The following PHACTR1 variants were observed in gnomAD, a reference collection of about 807,000 sequenced individuals.
PHACTR1 encodes the protein RPEL repeat containing 1.
In PHACTR1, 16 loss-of-function variants were observed where a neutral mutation model predicts 69.2. The observed-to-expected ratio is 0.23, with a 90% CI of 0.16 to 0.35. The LOEUF is 0.35. Among genes scored for constraint, PHACTR1 ranks in the 10% least tolerant of loss-of-function variants. The probability of loss-of-function intolerance (pLI) is 1.00; values close to 1 mark genes in which losing one functional copy is unlikely to be tolerated. For synonymous variants in PHACTR1, 312 were observed against 284.5 expected (o/e 1.10, Z -0.97); for missense variants, 510 against 734.7 (o/e 0.69, Z 3.54).
chr6:13,042,085 G>A (rs1294223497), intron 4 of PHACTR1, among the ~76,000 whole-genome samples: 1 of 152,150 alleles, frequency 6.6e-6, no homozygotes, highest in Non-Finnish European at 1.5e-5. Flanking sequence ...GAGTTTAAAA[G>A]GTTTATTGTA....
At chr6:12,936,871 G>T (rs1319258245) in intron 4 of PHACTR1, among the ~76,000 whole-genome samples, 1 of 152,174 alleles carries the variant, frequency 6.6e-6, no homozygotes, top group Non-Finnish European at 1.5e-5. Flanking sequence ...GGCCACTGGA[G>T]GCCTGGGATG....
At chr6:12,959,176 C>CAAAAA (rs70989814) in intron 4 of PHACTR1, among the ~76,000 whole-genome samples, 90 of 44,158 alleles carry the variant, frequency 2.0e-3, no homozygotes, top group East Asian at 3.9e-3. Context: ...GACTTTATCT[C>CAAAAA]AAAAAAAAAA....
intron 4 of PHACTR1, among the ~76,000 whole-genome samples, chr6:12,913,638 T>A (rs1370385634): frequency 3.3e-5 from 5 of 152,218 alleles, no homozygotes; most frequent in Admixed American, 1.3e-4. Context: ...CGCACATTTA[T>A]CTCAGCCCCT....
chr6:12,720,289 C>T lies in PHACTR1; in HGVS notation c.103+1442C>T, dbSNP rs115659558. Reference sequence around the variant, plus strand: ...ATAATGCTCCGTAGCGGGGTCATCCCGCTGAACCGCATAGCTGTTGGCAAA... The same window carrying T: ...ATAATGCTCCGTAGCGGGGTCATCCTGCTGAACCGCATAGCTGTTGGCAAA... On this transcript the variant is annotated intron_variant, in intron 3 of 14. Coordinates refer to ENST00000332995, the MANE Select transcript of PHACTR1 (RefSeq NM_030948.6). Among the ~76,000 whole-genome samples the T allele has an allele frequency of 4.2e-3, 639 of 152,308 alleles. 3 individuals carry two copies. Among genetic ancestry groups the T allele is most frequent in the Non-Finnish European group, 7.0e-3 (477 of 68,030 alleles).
intron 4 of PHACTR1, among the ~76,000 whole-genome samples, chr6:12,970,525 G>A (rs566386774): frequency 5.3e-5 from 8 of 152,250 alleles, no homozygotes; most frequent in African/African-American, 9.6e-5. Flanking sequence ...ATCCCAGCAC[G>A]TTGTGAGGCC....
chr6:13,200,943 CAAA>C (rs772620697), intron 7 of PHACTR1, among the ~76,000 whole-genome samples: 9 of 90,722 alleles, frequency 9.9e-5, no homozygotes, highest in Admixed American at 1.2e-4. Flanking sequence ...AACTCTGTCT[CAAA>C]AAAAAAAAAA....
At chr6:13,070,631 A>G (rs1464047923) in intron 5 of PHACTR1, among the ~76,000 whole-genome samples, 1 of 152,198 alleles carries the variant, frequency 6.6e-6, no homozygotes, top group Non-Finnish European at 1.5e-5. Context: ...ATACAGAGTG[A>G]AAAGGTTAAG....
chr6:13,256,095 G>A (rs1050160562), intron 10 of PHACTR1, among the ~76,000 whole-genome samples: 1 of 152,234 alleles, frequency 6.6e-6, no homozygotes, highest in Non-Finnish European at 1.5e-5. Context: ...CTCAACTCTT[G>A]TACTCTGAAC....
chr6:12,924,514 C>T (rs1008081719), intron 4 of PHACTR1, among the ~76,000 whole-genome samples: 10 of 152,102 alleles, frequency 6.6e-5, no homozygotes, highest in Non-Finnish European at 1.5e-4. Context: ...GTGGCTCACG[C>T]CTGTAATCCC....
intron 4 of PHACTR1, among the ~76,000 whole-genome samples, chr6:13,045,327 T>G (rs555798374): frequency 1.3e-5 from 2 of 152,340 alleles, no homozygotes; most frequent in East Asian, 3.9e-4. Flanking sequence ...TGGAATAGAC[T>G]TAGTGACTGA....
chr6:13,278,371 G>A (rs1478953075), intron 12 of PHACTR1, 42 bp downstream of exon 12: 6 of 1,548,754 alleles, frequency 3.9e-6, no homozygotes, highest in African/African-American at 2.7e-5. Flanking sequence ...AGGAGAGGGT[G>A]GGCTGCCTGC....
chr6:13,122,511 T>C (rs1247854583), intron 5 of PHACTR1, among the ~76,000 whole-genome samples: 1 of 152,228 alleles, frequency 6.6e-6, no homozygotes, highest in African/African-American at 2.4e-5. Flanking sequence ...GCTATTGATA[T>C]ATTGGCTTAC....
chr6:13,208,676 C>T (rs1029682806), intron 8 of PHACTR1, among the ~76,000 whole-genome samples: 1 of 139,824 alleles, frequency 7.2e-6, no homozygotes, highest in Non-Finnish European at 1.5e-5. Context: ...GTTTTCATAT[C>T]TCTCATGAGC....
chr6:13,070,926 G>A (rs766889560), intron 5 of PHACTR1, among the ~76,000 whole-genome samples: 9 of 151,648 alleles, frequency 5.9e-5, no homozygotes, highest in Non-Finnish European at 1.2e-4. Context: ...AATAACATTA[G>A]GCAATGAATT....
chr6:13,041,335 T>TACACACAC (rs1341525931), intron 4 of PHACTR1, among the ~76,000 whole-genome samples: 7 of 38,660 alleles, frequency 1.8e-4, no homozygotes, highest in Non-Finnish European at 3.2e-4. Flanking sequence ...GTAATTAAAA[T>TACACACAC]ACATACACAC....
At position 13,107,309 on chromosome 6, in the gene PHACTR1, G is replaced by A. The variant is rs574365910; in HGVS notation, c.416-52895G>A. 7.0e-3 allele frequency among the ~76,000 whole-genome samples: 1,071 copies of A among 152,220 alleles called. 21 individuals carry two copies. Among genetic ancestry groups the A allele is most frequent in the African/African-American group, 0.025 (1,030 of 41,532 alleles). ...AAGTTTTTGGTAGAGACAGGGTCTC[G>A]CTATGTTGCCAGGGCTGGGCTCAAA... is the stretch of plus-strand genomic sequence containing the variant. On this transcript the variant is annotated intron_variant, in intron 5 of 14. Coordinates refer to ENST00000332995, the MANE Select transcript of PHACTR1 (RefSeq NM_030948.6).
chr6:13,229,668 G>A (rs1280691637), intron 9 of PHACTR1, among the ~76,000 whole-genome samples: 1 of 152,146 alleles, frequency 6.6e-6, no homozygotes, highest in African/African-American at 2.4e-5. Flanking sequence ...TCTGCTTCAG[G>A]TGTCAGCCCC....
At position 13,213,177 on chromosome 6, in the gene PHACTR1, T is replaced by C. The variant is rs79551855; in HGVS notation, c.986+7041T>C. Among the ~76,000 whole-genome samples the C allele has an allele frequency of 9.3e-3, 1,422 of 152,358 alleles. 20 individuals carry two copies. Among genetic ancestry groups the C allele is most frequent in the African/African-American group, 0.03 (1,241 of 41,572 alleles). On this transcript the variant is annotated intron_variant, in intron 8 of 14. Transcript: ENST00000332995. ...AGCTGCAGTGATATTCTTTCACTTA[T>C]TAATCTGCTTCCTATTGATGGATTG...
chr6:13,157,809 GC>G (rs1178592863), intron 5 of PHACTR1, among the ~76,000 whole-genome samples: 1 of 152,106 alleles, frequency 6.6e-6, no homozygotes, highest in Non-Finnish European at 1.5e-5. Context: ...CGTACTTAAA[GC>G]CCCCCTGCTT....
Sources: gnomAD v4.1 joint callset for allele counts (sites outside exome capture counted in the v4.1 genomes callset) on GRCh38, gnomAD v4.1.1 for gene constraint, MANE v1.5 for transcripts, NCBI Gene and HGNC (gene_info 2026-07-23, HGNC 2026-07-21) for gene names.